Variants in TDRD12 observed in about 807,000 individuals in gnomAD.
The protein encoded by TDRD12 is tudor domain containing 12, also known as putative ATP-dependent RNA helicase TDRD12.
TDRD12 carries 158 observed loss-of-function variants against 133.5 expected under a neutral mutation model. The ratio of observed to expected loss-of-function variants is 1.18; its 90% CI spans 1.04 to 1.35. The LOEUF (loss-of-function observed/expected upper bound fraction) is 1.35, where lower values mean the gene tolerates loss of function less well. Among genes scored for constraint, TDRD12 ranks in the 40% most tolerant of loss-of-function variants. The pLI is 0.00. For synonymous variants in TDRD12, 460 were observed against 477.9 expected (o/e 0.96, Z 0.49); for missense variants, 1,443 against 1,321.3 (o/e 1.09, Z -1.43).
chr19:32,751,698 A>G (rs1969832913), intron 6 of TDRD12, among the ~76,000 whole-genome samples: 1 of 151,604 alleles, frequency 6.6e-6, no homozygotes, highest in Admixed American at 6.6e-5. Flanking sequence ...TCCCACCTCA[A>G]CTTCACAAGT....
intron 8 of TDRD12, among the ~76,000 whole-genome samples, chr19:32,765,491 A>G (rs549103290): frequency 1.3e-5 from 2 of 152,322 alleles, no homozygotes; most frequent in South Asian, 4.2e-4. Flanking sequence ...AACCAACCCA[A>G]ATGTCCAAAA....
At chr19:32,729,966 A>G (rs941845833) in intron 1 of TDRD12, among the ~76,000 whole-genome samples, 9 of 150,518 alleles carry the variant, frequency 6.0e-5, no homozygotes, top group Admixed American at 1.3e-4. Context: ...AATTTTTTGT[A>G]TTTTTAGTAG....
At chr19:32,828,215 G>C (rs1426464618) in exon 10 of TDRD12, 4 of 152,346 alleles carry the variant, frequency 2.6e-5, no homozygotes, top group African/African-American at 9.6e-5. Flanking sequence ...GGGTGAAGCT[G>C]CTGGTTCTAA....
intron 1 of TDRD12, among the ~76,000 whole-genome samples, chr19:32,726,757 C>CT (rs1568443418): frequency 6.6e-6 from 1 of 151,956 alleles, no homozygotes; most frequent in African/African-American, 2.4e-5. Flanking sequence ...AAATATATGT[C>CT]TTTTTTTAAA....
At chr19:32,826,187 C>T (rs763075902), downstream of TDRD12, 42 of 1,531,538 alleles carry the variant, frequency 2.7e-5, no homozygotes, top group Admixed American at 9.8e-5. Context: ...ATGGAGGAGT[C>T]GGCGTCCCTT....
In TDRD12 at chr19:32,818,162, G is replaced by C. The variant is rs1967250677; in HGVS notation, c.3383+5G>C. On this transcript the variant is annotated splice_donor_5th_base_variant and intron_variant, in intron 27 of 27. Transcript: ENST00000444215. ...CGAGGAGCAGGGGGGGCAGGGGTGA[G>C]TAAGAACACCACAGAGCTTCCTCCC... 1 of 701,240 alleles carries C rather than the reference G, an allele frequency of 1.4e-6. No homozygotes were observed. Among genetic ancestry groups the C allele is most frequent in the Non-Finnish European group, 2.6e-6 (1 of 384,320 alleles). 43.4% of individuals were successfully genotyped at this position (701,240 alleles called of 1,614,324 possible). A position where few individuals can be genotyped will look rare whatever the true frequency, so the allele number is the denominator to read the frequency against.
intron 11 of TDRD12, among the ~76,000 whole-genome samples, chr19:32,787,100 A>G (rs1970929648): frequency 6.6e-6 from 1 of 152,084 alleles, no homozygotes; most frequent in Non-Finnish European, 1.5e-5. Context: ...TGAGCTACAG[A>G]TGAGGTTTTG....
Position 32,815,427 on chromosome 19 carries a change from CA to C in TDRD12, c.3142-19del. On this transcript the variant is annotated intron_variant, in intron 25 of 27. Coordinates refer to ENST00000444215, the Ensembl canonical transcript of TDRD12. Reference sequence around the variant, plus strand: ...ATTCAGAGTGATTACTGCTAATGTTCAATTTTTTCATTGATTCAAGGTGCAC... The same window carrying C: ...ATTCAGAGTGATTACTGCTAATGTTCATTTTTTCATTGATTCAAGGTGCAC... 6 of 1,522,954 alleles carry C rather than the reference CA, an allele frequency of 3.9e-6. No homozygotes were observed. Among genetic ancestry groups the C allele is most frequent in the Non-Finnish European group, 5.3e-6 (6 of 1,137,858 alleles). 94.3% of individuals were successfully genotyped at this position (1,522,954 alleles called of 1,614,324 possible). A position where few individuals can be genotyped will look rare whatever the true frequency, so the allele number is the denominator to read the frequency against.
chr19:32,810,866 G>A (rs967943122), intron 23 of TDRD12, among the ~76,000 whole-genome samples: 6 of 151,922 alleles, frequency 3.9e-5, no homozygotes, highest in Admixed American at 1.3e-4. Flanking sequence ...CACTCCAGCC[G>A]GGGCCACAGA....
chr19:32,738,092 G>A (rs532617616), intron 2 of TDRD12, among the ~76,000 whole-genome samples: 1 of 151,932 alleles, frequency 6.6e-6, no homozygotes, highest in Non-Finnish European at 1.5e-5. Flanking sequence ...AGCCAAGGTC[G>A]CACCATCGCA....
In TDRD12 at chr19:32,797,342, C is replaced by T. The variant is rs117604871; in HGVS notation, c.1474-393C>T. ...TTTAGTTCATTCTTGTGCTTAGGATCTGTGCAGGGGATGTGGAGCCAGACT... is the reference window on the plus strand; with the variant it reads ...TTTAGTTCATTCTTGTGCTTAGGATTTGTGCAGGGGATGTGGAGCCAGACT... On this transcript the variant is annotated intron_variant, in intron 14 of 27. Coordinates refer to ENST00000444215, the Ensembl canonical transcript of TDRD12. Among the ~76,000 whole-genome samples, 628 of 152,256 alleles carry T rather than the reference C, an allele frequency of 4.1e-3. 3 individuals carry two copies. The highest frequency in any genetic ancestry group is 5.0e-3 in the Non-Finnish European group (341 of 68,028).
chr19:32,826,042 A>T (rs768117769), downstream of TDRD12: 2 of 1,322,168 alleles, frequency 1.5e-6, no homozygotes, highest in Non-Finnish European at 2.1e-6. Context: ...ATGTGTGTAC[A>T]TGATGGAGTT....
At chr19:32,731,959 T>C in intron 2 of TDRD12, 76 bp downstream of exon 2, 1 of 1,384,692 alleles carries the variant, frequency 7.2e-7, no homozygotes, top group South Asian at 1.6e-5. Context: ...GCAACGATGA[T>C]GATTCAAGCT....
chr19:32,787,626 C>T (rs1013602432), intron 11 of TDRD12, among the ~76,000 whole-genome samples: 12 of 152,256 alleles, frequency 7.9e-5, no homozygotes, highest in African/African-American at 2.6e-4. Context: ...AGCATAGAAC[C>T]GCCTACTCAA....
chr19:32,790,605 T>TA lies in TDRD12; in HGVS notation c.1182+21dup, dbSNP rs773336031. ...GATCTCCAGCAGGTATTACAGGCCC[T>TA]AAAAAAAGTAAAATAAAAAGAGAGA... On this transcript the variant is annotated intron_variant, in intron 12 of 27. Coordinates refer to ENST00000444215, the Ensembl canonical transcript of TDRD12. 6 of 1,551,410 alleles carry TA rather than the reference T, an allele frequency of 3.9e-6. No individual in the cohort carries two copies. In the African/African-American group the frequency reaches 6.8e-5, roughly 18 times the overall value.
At chr19:32,796,540 G>A (rs987143773) in intron 14 of TDRD12, among the ~76,000 whole-genome samples, 6 of 150,980 alleles carry the variant, frequency 4.0e-5, no homozygotes, top group South Asian at 2.1e-4. Context: ...AGGCAAGATC[G>A]CACCATTGCA....
At chr19:32,806,565 C>T (rs1021038816) in intron 21 of TDRD12, among the ~76,000 whole-genome samples, 4 of 152,086 alleles carry the variant, frequency 2.6e-5, no homozygotes, top group Non-Finnish European at 4.4e-5. Flanking sequence ...TGGTCTCAAA[C>T]CCCTCACCTC....
At chr19:32,775,723 G>T (rs1436488654) in intron 10 of TDRD12, among the ~76,000 whole-genome samples, 2 of 151,708 alleles carry the variant, frequency 1.3e-5, no homozygotes, top group Admixed American at 6.6e-5. Context: ...ACTTGGGAGT[G>T]CTGGCCTTTT....
At chr19:32,775,580 G>A (rs749658657) in intron 10 of TDRD12, among the ~76,000 whole-genome samples, 6 of 152,084 alleles carry the variant, frequency 3.9e-5, no homozygotes, top group South Asian at 2.1e-4. Context: ...TGATCCTCCC[G>A]CCTTGGCTTA....
Sources: gnomAD v4.1 joint callset for allele counts (sites outside exome capture counted in the v4.1 genomes callset) on GRCh38, gnomAD v4.1.1 for gene constraint, MANE v1.5 for transcripts, NCBI Gene and HGNC (gene_info 2026-07-23, HGNC 2026-07-21) for gene names.